PKIB: variants seen among roughly 807,000 people sequenced by gnomAD.
The protein encoded by PKIB is PKI-beta.
Under a neutral mutation model 4.5 loss-of-function variants are expected in PKIB, and 2 were observed. The ratio of observed to expected loss-of-function variants is 0.44; its 90% CI spans 0.18 to 1.39. The LOEUF is 1.39. PKIB is among the 40% of genes most tolerant of loss of function. The pLI is 0.27. For synonymous variants in PKIB, 38 were observed against 36.0 expected, an observed-to-expected ratio of 1.06 and a Z score of -0.20; for missense variants, 94 against 92.6, an observed-to-expected ratio of 1.02 and a Z score of -0.06.
At chr6:122,687,624 T>G (rs111771734) in intron 3 of PKIB, among the ~76,000 whole-genome samples, 295 of 152,322 alleles carry the variant, frequency 1.9e-3, no homozygotes, top group African/African-American at 6.9e-3. Flanking sequence ...TATCATTTTT[T>G]GTGTCCTCTT....
intron 2 of PKIB, among the ~76,000 whole-genome samples, chr6:122,648,420 G>T (rs1776410122): frequency 6.6e-6 from 1 of 152,250 alleles, no homozygotes; most frequent in South Asian, 2.1e-4. Context: ...GCCTCCTAGA[G>T]GATATTTCTA....
intron 3 of PKIB, among the ~76,000 whole-genome samples, chr6:122,675,795 GA>G (rs915624502): frequency 4.0e-5 from 6 of 151,514 alleles, no homozygotes; most frequent in African/African-American, 1.5e-4. Flanking sequence ...AACTGTAAGT[GA>G]AAAAAAATTA....
rs1441344629 is a variant in PKIB, at chr6:122,487,409, AC to A, written c.-248+9476del. ...GTTCTGAATATTCATGTTTGTGTTC[AC>A]CCCCCAAAATTCATACATTGAAACC... On this transcript the variant is annotated intron_variant, in intron 2 of 6. Coordinates refer to the PKIB transcript ENST00000392491. 6.6e-5 allele frequency among the ~76,000 whole-genome samples: 10 copies of A among 152,134 alleles called. No homozygotes were observed. In the East Asian group the frequency reaches 1.9e-3, roughly 29 times the overall value.
At chr6:122,700,392 T>G (rs1452805550) in intron 3 of PKIB, among the ~76,000 whole-genome samples, 1 of 152,044 alleles carries the variant, frequency 6.6e-6, no homozygotes, top group East Asian at 1.9e-4. Flanking sequence ...TCATCAGGGT[T>G]AGGGGTTTCC....
intron 4 of PKIB, among the ~76,000 whole-genome samples, chr6:122,721,512 A>G (rs1201474365): frequency 6.6e-6 from 1 of 152,012 alleles, no homozygotes; most frequent in African/African-American, 2.4e-5. Context: ...AACATACAAC[A>G]TTTTTTTCTC....
At chr6:122,658,265 G>C (rs1776851023) in intron 2 of PKIB, among the ~76,000 whole-genome samples, 1 of 151,920 alleles carries the variant, frequency 6.6e-6, no homozygotes, top group South Asian at 2.1e-4. Flanking sequence ...ACAACATCAG[G>C]CACACATGAC....
rs1779944037 is a variant in PKIB at position 122,726,161 on chromosome 6, CA to C, written c.*971del. The C allele has an allele frequency of 6.6e-6, 1 of 151,656 alleles. No individual in the cohort carries two copies. Among genetic ancestry groups the C allele is most frequent in the African/African-American group, 2.4e-5 (1 of 41,276 alleles). 9.4% of individuals were successfully genotyped at this position (151,656 alleles called of 1,614,324 possible). A position where few individuals can be genotyped will look rare whatever the true frequency, so the allele number is the denominator to read the frequency against. ...ATCTAAGCATATATTTTAAAAGGAGCAAAAATAAAACCAAAGTGTTAGTAAA... is the reference window on the plus strand; with the variant it reads ...ATCTAAGCATATATTTTAAAAGGAGCAAAATAAAACCAAAGTGTTAGTAAA... On this transcript the variant is annotated 3_prime_UTR_variant, in exon 5 of 5. Coordinates refer to ENST00000368452, the MANE Select transcript of PKIB (RefSeq NM_181795.3).
intron 2 of PKIB, among the ~76,000 whole-genome samples, chr6:122,512,467 G>A (rs577583827): frequency 6.6e-6 from 1 of 152,216 alleles, no homozygotes; most frequent in Admixed American, 6.5e-5. Flanking sequence ...GCAATACTTG[G>A]AAATAAATGG....
chr6:122,601,836 T>G, intron 3 of PKIB, among the ~76,000 whole-genome samples: 1 of 152,262 alleles, frequency 6.6e-6, no homozygotes, highest in Admixed American at 6.5e-5. Flanking sequence ...ACAGTAGCTA[T>G]TAGTAGTTGT....
chr6:122,675,523 GA>G (rs1370669238), intron 3 of PKIB, among the ~76,000 whole-genome samples: 2 of 152,148 alleles, frequency 1.3e-5, no homozygotes, highest in Non-Finnish European at 2.9e-5. Flanking sequence ...GGAAAGGGAA[GA>G]AATAGTATTC....
intron 2 of PKIB, among the ~76,000 whole-genome samples, chr6:122,564,324 G>C (rs139174842): frequency 6.6e-6 from 1 of 152,076 alleles, no homozygotes; most frequent in Non-Finnish European, 1.5e-5. Context: ...TGTTCTGTCC[G>C]GAGCTGCACT....
chr6:122,478,524 T>C (rs191929960), intron 2 of PKIB: 1 of 152,312 alleles, frequency 6.6e-6, no homozygotes, highest in East Asian at 1.9e-4. Flanking sequence ...TGGTATGCTT[T>C]GATACGGGCA....
chr6:122,688,215 GT>G (rs1778171139), intron 3 of PKIB, among the ~76,000 whole-genome samples: 1 of 151,870 alleles, frequency 6.6e-6, no homozygotes, highest in Admixed American at 6.6e-5. Context: ...ATGATCATAT[GT>G]TTTTTTGTCC....
chr6:122,539,235 AG>A (rs1213143737), intron 2 of PKIB, among the ~76,000 whole-genome samples: 13 of 152,048 alleles, frequency 8.5e-5, no homozygotes, highest in Non-Finnish European at 1.9e-4. Flanking sequence ...AGGAGGGGTG[AG>A]AGAGGGCATC....
intron 1 of PKIB, among the ~76,000 whole-genome samples, chr6:122,476,825 T>C (rs2114508480): frequency 6.6e-6 from 1 of 152,314 alleles, no homozygotes; most frequent in African/African-American, 2.4e-5. Flanking sequence ...ATAATGAAAT[T>C]ATATACTGAA....
chr6:122,573,281 G>A (rs763588171), intron 2 of PKIB, among the ~76,000 whole-genome samples: 34 of 152,124 alleles, frequency 2.2e-4, no homozygotes, highest in Admixed American at 3.9e-4. Context: ...TTGGCTGGGC[G>A]CAGTGGCTCA....
chr6:122,599,143 G>T (rs1231770921), intron 3 of PKIB, among the ~76,000 whole-genome samples: 1 of 152,134 alleles, frequency 6.6e-6, no homozygotes, highest in Non-Finnish European at 1.5e-5. Flanking sequence ...TCTGGCAATT[G>T]CCTCAGGGGA....
intron 2 of PKIB, among the ~76,000 whole-genome samples, chr6:122,528,961 C>T (rs986664895): frequency 6.6e-5 from 10 of 152,112 alleles, no homozygotes; most frequent in Non-Finnish European, 1.0e-4. Context: ...ATGATCACAC[C>T]GCTAACTACT....
chr6:122,632,675 G>A (rs745460620), intron 1 of PKIB, among the ~76,000 whole-genome samples: 1 of 152,154 alleles, frequency 6.6e-6, no homozygotes, highest in Admixed American at 6.5e-5. Context: ...GAGGCATTAT[G>A]CGTAGACTGG....
Sources: gnomAD v4.1 joint callset for allele counts (sites outside exome capture counted in the v4.1 genomes callset) on GRCh38, gnomAD v4.1.1 for gene constraint, MANE v1.5 for transcripts, NCBI Gene and HGNC (gene_info 2026-07-23, HGNC 2026-07-21) for gene names.